The following VPS37C variants were observed in gnomAD, a reference collection of about 807,000 sequenced individuals.
VPS37C encodes the protein VPS37C subunit of ESCRT-I.
Under a neutral mutation model 16.1 loss-of-function variants are expected in VPS37C, and 9 were observed. That is an observed-to-expected ratio of 0.56 (90% confidence interval 0.34 to 0.97). The LOEUF (loss-of-function observed/expected upper bound fraction) is 0.97. VPS37C is among the 50% of genes least tolerant of loss of function. The pLI is 0.02. For missense variants in VPS37C, 479 were observed against 472.7 expected (o/e 1.01, Z -0.12); for synonymous variants, 207 against 206.4 (o/e 1.00, Z -0.02).
chr11:61,153,204 A>G (rs1853328221), intron 1 of VPS37C, among the ~76,000 whole-genome samples: 1 of 152,228 alleles, frequency 6.6e-6, no homozygotes, highest in African/African-American at 2.4e-5. Context: ...TGATTAGATC[A>G]TGGGGGCGGT....
chr11:61,153,795 G>A (rs1853341428), intron 1 of VPS37C, among the ~76,000 whole-genome samples: 2 of 152,168 alleles, frequency 1.3e-5, no homozygotes, highest in African/African-American at 4.8e-5. Context: ...GAGTACCAGA[G>A]AGGAAAGGGC....
At chr11:61,133,075 T>C in intron 4 of VPS37C, 180 bp downstream of exon 4, 1 of 723,980 alleles carries the variant, frequency 1.4e-6, no homozygotes, top group East Asian at 2.7e-5. Context: ...CTAGTGGGAC[T>C]GGGTTCCTGT....
Position 61,131,784 on chromosome 11 carries a change from G to C in VPS37C, c.*36C>G. The C allele has an allele frequency of 1.6e-6, 2 of 1,244,730 alleles. No individual in the cohort carries two copies. The highest frequency in any genetic ancestry group is 2.0e-6 in the Non-Finnish European group (2 of 992,238). The allele number at this position is 1,244,730 out of a possible 1,614,324, so 77.1% of individuals were successfully genotyped here. ...TGGCTGGGCCAAAGGTTGAGCGTGGGTGGGACTAGGGAGGGGCCGAGGGCC... is the reference window on the plus strand; with the variant it reads ...TGGCTGGGCCAAAGGTTGAGCGTGGCTGGGACTAGGGAGGGGCCGAGGGCC... On this transcript the variant is annotated 3_prime_UTR_variant, in exon 5 of 5. Coordinates refer to ENST00000301765, the MANE Select transcript of VPS37C (RefSeq NM_017966.5).
intron 1 of VPS37C, among the ~76,000 whole-genome samples, chr11:61,155,935 A>G (rs184640743): frequency 1.3e-5 from 2 of 152,368 alleles, no homozygotes; most frequent in Admixed American, 1.3e-4. Context: ...AACAGGTGAC[A>G]ACAATACAAA....
At chr11:61,138,635 G>T (rs1861421761) in intron 2 of VPS37C, 102 bp downstream of exon 2, 2 of 1,079,780 alleles carry the variant, frequency 1.9e-6, no homozygotes, top group Non-Finnish European at 2.8e-6. Context: ...AAAGGGAGAT[G>T]AATTTGGCCA....
At chr11:61,149,264 C>G (rs778233928) in intron 1 of VPS37C, among the ~76,000 whole-genome samples, 1 of 152,100 alleles carries the variant, frequency 6.6e-6, no homozygotes, top group Non-Finnish European at 1.5e-5. Flanking sequence ...CCAGCCTCGG[C>G]GACAGAGCGA....
chr11:61,132,011 T>A lies in VPS37C; in HGVS notation c.877A>T (p.Ser293Cys). ...GYPLRGGRAP[S>C]PGYPQQSPYP... ...GGGGACTGTTGAGGATAACCAGGAC[T>A]GGGGGCCCTGCCTCCCCGCAAGGGG... Residue 293 changes from serine to cysteine, a missense_variant, in exon 5 of 5, where the codon AGT becomes TGT. By Grantham distance (112) the Ser-to-Cys change is moderately radical (BLOSUM62 -1). Transcript: ENST00000301765. 1 of 1,376,034 alleles carries A rather than the reference T, an allele frequency of 7.3e-7. No individual in the cohort carries two copies. Among genetic ancestry groups the A allele is most frequent in the South Asian group, 1.9e-5 (1 of 54,006 alleles). 85.2% of individuals were successfully genotyped at this position (1,376,034 alleles called of 1,614,324 possible).
intron 1 of VPS37C, 106 bp downstream of exon 1, chr11:61,161,285 G>C (rs1039091167): frequency 2.1e-4 from 32 of 151,960 alleles, no homozygotes; most frequent in African/African-American, 7.2e-4. Flanking sequence ...AGGATGAGGC[G>C]GGCAGGCGGG....
intron 1 of VPS37C, chr11:61,145,112 G>A (rs1853177879): frequency 6.6e-6 from 1 of 152,176 alleles, no homozygotes; most frequent in African/African-American, 2.4e-5. Flanking sequence ...AGAGATCAAA[G>A]CCCTCTGTAA....
intron 1 of VPS37C, among the ~76,000 whole-genome samples, chr11:61,139,190 T>G (rs1229115733): frequency 6.6e-6 from 1 of 152,158 alleles, no homozygotes; most frequent in Non-Finnish European, 1.5e-5. Context: ...GGAGACTAAG[T>G]TTGGCCCAAG....
At chr11:61,158,405 C>T (rs1853411901) in intron 1 of VPS37C, among the ~76,000 whole-genome samples, 2 of 152,134 alleles carry the variant, frequency 1.3e-5, no homozygotes, top group African/African-American at 4.8e-5. Context: ...ACACTTGACC[C>T]GGCAATAGCA....
rs547581820 is a variant in VPS37C at position 61,131,796 on chromosome 11, A to T, written c.*24T>A. ...AGGTTGAGCGTGGGTGGGACTAGGGAGGGGCCGAGGGCCAGGAGTGTGTCT... is the reference window on the plus strand; with the variant it reads ...AGGTTGAGCGTGGGTGGGACTAGGGTGGGGCCGAGGGCCAGGAGTGTGTCT... On this transcript the variant is annotated 3_prime_UTR_variant, in exon 5 of 5. Transcript: ENST00000301765. 1.2e-5 allele frequency: 14 copies of T among 1,204,818 alleles called. No individual in the cohort carries two copies. The East Asian group carries it at 3.1e-4, about 26-fold the overall frequency. The allele number at this position is 1,204,818 out of a possible 1,614,324, so 74.6% of individuals were successfully genotyped here. A position where few individuals can be genotyped will look rare whatever the true frequency, so the allele number is the denominator to read the frequency against.
At chr11:61,144,899 T>C (rs1164432917) in intron 1 of VPS37C, 1 of 152,244 alleles carries the variant, frequency 6.6e-6, no homozygotes, top group South Asian at 2.1e-4. Context: ...ACTGCTGGCA[T>C]GTGCCAGACA....
intron 1 of VPS37C, among the ~76,000 whole-genome samples, chr11:61,153,578 C>T (rs1227532015): frequency 6.6e-6 from 1 of 151,934 alleles, no homozygotes; most frequent in Admixed American, 6.6e-5. Context: ...ACTAAAAAGC[C>T]AGACAAAGCC....
intron 2 of VPS37C, among the ~76,000 whole-genome samples, chr11:61,137,363 A>G (rs1418771565): frequency 6.6e-5 from 10 of 152,180 alleles, no homozygotes; most frequent in African/African-American, 2.4e-4. Flanking sequence ...TTCCCCTCAG[A>G]GAGTTCAGAT....
intron 1 of VPS37C, among the ~76,000 whole-genome samples, chr11:61,160,028 C>T (rs748487221): frequency 5.3e-5 from 8 of 151,626 alleles, no homozygotes; most frequent in Non-Finnish European, 8.8e-5. Context: ...CCTATTTGGA[C>T]ATGTTCGCAA....
intron 1 of VPS37C, among the ~76,000 whole-genome samples, chr11:61,149,841 T>C (rs1403280226): frequency 6.6e-6 from 1 of 152,116 alleles, no homozygotes; most frequent in African/African-American, 2.4e-5. Flanking sequence ...GGCAGGGCCG[T>C]CAAGTGAGAA....
chr11:61,138,250 CAGGATT>C, intron 2 of VPS37C: 1 of 158,794 alleles, frequency 6.3e-6, no homozygotes, highest in Admixed American at 5.9e-5. Flanking sequence ...TCTGCACAGG[CAGGATT>C]CTGTTTCTTT....
rs935490135 is a variant in VPS37C at position 61,131,494 on chromosome 11, G to A, written c.*326C>T. 70 of 271,868 alleles carry A rather than the reference G, an allele frequency of 2.6e-4. No individual in the cohort carries two copies. The highest frequency in any genetic ancestry group is 1.5e-3 in the African/African-American group (69 of 45,706). 16.8% of individuals were successfully genotyped at this position (271,868 alleles called of 1,614,324 possible). A position where few individuals can be genotyped will look rare whatever the true frequency, so the allele number is the denominator to read the frequency against. Reference sequence around the variant, plus strand: ...GCACTGGGTTCAAATGGCCCTGAGTGCAGCCGCAAGTAGATGCTCATAAAT... The same window carrying A: ...GCACTGGGTTCAAATGGCCCTGAGTACAGCCGCAAGTAGATGCTCATAAAT... On this transcript the variant is annotated 3_prime_UTR_variant, in exon 5 of 5. Coordinates refer to ENST00000301765, the MANE Select transcript of VPS37C (RefSeq NM_017966.5).
Sources: gnomAD v4.1 joint callset for allele counts (sites outside exome capture counted in the v4.1 genomes callset) on GRCh38, gnomAD v4.1.1 for gene constraint, MANE v1.5 for transcripts, NCBI Gene and HGNC (gene_info 2026-07-23, HGNC 2026-07-21) for gene names.